The following ANXA13 variants were observed in gnomAD, a reference collection of about 807,000 sequenced individuals.
ANXA13 encodes the protein annexin XIII.
In ANXA13, 36 loss-of-function variants were observed where a neutral mutation model predicts 46.6. That is an observed-to-expected ratio of 0.77 (90% CI 0.59 to 1.02). ANXA13 has a LOEUF of 1.02. Ranked by LOEUF, ANXA13 falls within the 50% of genes least tolerant of loss-of-function variation. The pLI is 0.00. For missense variants in ANXA13, 417 were observed against 396.5 expected, an observed-to-expected ratio of 1.05 and a Z score of -0.44; for synonymous variants, 163 against 152.9, an observed-to-expected ratio of 1.07 and a Z score of -0.49.
intron 2 of ANXA13, chr8:123,712,465 C>G: frequency 1.7e-6 from 1 of 581,516 alleles, no homozygotes; most frequent in Admixed American, 3.0e-5. Context: ...CAATATCCAA[C>G]TCCTAGCTGT....
chr8:123,712,907 A>G (rs1813687383), intron 1 of ANXA13, among the ~76,000 whole-genome samples, 154 bp from the exon 2 acceptor site: 1 of 152,196 alleles, frequency 6.6e-6, no homozygotes, highest in Non-Finnish European at 1.5e-5. Context: ...TCAGCTGGGG[A>G]GACTCTGGCC....
intron 3 of ANXA13, among the ~76,000 whole-genome samples, chr8:123,700,391 G>A (rs568790340): frequency 1.3e-5 from 2 of 152,340 alleles, no homozygotes; most frequent in South Asian, 2.1e-4. Context: ...TTTTCCTGCT[G>A]ACTCTGTTAC....
chr8:123,686,670 G>T (rs1813145904), intron 9 of ANXA13, among the ~76,000 whole-genome samples: 1 of 152,068 alleles, frequency 6.6e-6, no homozygotes, highest in African/African-American at 2.4e-5. Flanking sequence ...TGGGAACCTG[G>T]AGTGGGGCCC....
chr8:123,723,237 TGAGTCCTCGGAG>T (rs1469853933), intron 1 of ANXA13, among the ~76,000 whole-genome samples: 1 of 152,246 alleles, frequency 6.6e-6, no homozygotes, highest in African/African-American at 2.4e-5. Flanking sequence ...TGCAACTTCC[TGAGTCCTCGGAG>T]GACCAAAGAA....
intron 6 of ANXA13, among the ~76,000 whole-genome samples, chr8:123,695,092 G>A (rs936517485): frequency 6.6e-6 from 1 of 152,130 alleles, no homozygotes; most frequent in Non-Finnish European, 1.5e-5. Context: ...AATCCTGGAA[G>A]TAATTGTAGA....
At chr8:123,689,057 G>A in intron 8 of ANXA13, 111 bp from the exon 9 acceptor site, 2 of 989,790 alleles carry the variant, frequency 2.0e-6, no homozygotes, top group Non-Finnish European at 3.2e-6. Context: ...TAGTCCTGTG[G>A]CTTCAGGGAA....
intron 3 of ANXA13, among the ~76,000 whole-genome samples, chr8:123,699,954 C>T (rs1023156344): frequency 3.9e-5 from 6 of 152,172 alleles, no homozygotes; most frequent in South Asian, 2.1e-4. Context: ...ATATTTTAAA[C>T]GGTCAATAAA....
At chr8:123,722,340 A>C (rs1421785084) in intron 1 of ANXA13, among the ~76,000 whole-genome samples, 1 of 115,368 alleles carries the variant, frequency 8.7e-6, no homozygotes, top group Non-Finnish European at 1.8e-5. Flanking sequence ...AAGAAAGAAA[A>C]GAAAAGAAAG....
At chr8:123,698,638 G>T in intron 3 of ANXA13, 79 bp from the exon 4 acceptor site, 1 of 1,442,040 alleles carries the variant, frequency 6.9e-7, no homozygotes, top group Non-Finnish European at 9.6e-7. Flanking sequence ...TATTGCAAGT[G>T]CTCATAGTTG....
At position 123,725,039 on chromosome 8, in the gene ANXA13, A is replaced by G. The variant is rs1813957135; in HGVS notation, c.15+12281T>C. ...GGACCATGTAAACAGGTCCTTTTTT[A>G]GTCAGAGGATAGGACCTTACCCTTC... On this transcript the variant is annotated intron_variant, in intron 1 of 10. Coordinates refer to ENST00000419625, the MANE Select transcript of ANXA13 (RefSeq NM_004306.4). Among the ~76,000 whole-genome samples the G allele has an allele frequency of 2.0e-5, 3 of 152,142 alleles. No individual in the cohort carries two copies. In the South Asian group the frequency reaches 6.2e-4, roughly 32 times the overall value.
intron 1 of ANXA13, among the ~76,000 whole-genome samples, chr8:123,720,657 C>CGTGTGTGTGTGTGTGTGTGT (rs34135339): frequency 2.1e-5 from 3 of 141,436 alleles, no homozygotes; most frequent in African/African-American, 7.9e-5. Flanking sequence ...CCTGTGTCCC[C>CGTGTGTGTGTGTGTGTGTGT]GTGTGTGTGT....
chr8:123,722,366 G>GAA (rs1563618073), intron 1 of ANXA13, among the ~76,000 whole-genome samples: 30 of 93,046 alleles, frequency 3.2e-4, no homozygotes, highest in African/African-American at 1.1e-3. Context: ...AAGAAAGAAA[G>GAA]AAAGAAAGAA....
intron 1 of ANXA13, among the ~76,000 whole-genome samples, chr8:123,722,676 G>A (rs142292320): frequency 4.9e-4 from 75 of 152,298 alleles, no homozygotes; most frequent in Middle Eastern, 3.4e-3. Flanking sequence ...ATAGAATCAT[G>A]TTTTCTGCCT....
At chr8:123,695,446 G>T in intron 6 of ANXA13, 56 bp downstream of exon 6, 2 of 1,334,840 alleles carry the variant, frequency 1.5e-6, no homozygotes, top group Non-Finnish European at 2.1e-6. Context: ...ATGGTGCCAT[G>T]TTGCCAAGGA....
chr8:123,736,847 C>T (rs895531703), intron 1 of ANXA13, among the ~76,000 whole-genome samples: 17 of 113,426 alleles, frequency 1.5e-4, no homozygotes, highest in East Asian at 5.3e-4. Context: ...ATCCCCAGTG[C>T]TTTTTTTTTT....
chr8:123,700,589 C>T (rs1275471266), intron 3 of ANXA13, among the ~76,000 whole-genome samples: 1 of 152,194 alleles, frequency 6.6e-6, no homozygotes, highest in Non-Finnish European at 1.5e-5. Context: ...AAGTTTTGTG[C>T]CAGAACATGC....
chr8:123,706,119 A>G (rs1402097136), intron 2 of ANXA13, among the ~76,000 whole-genome samples: 3 of 152,210 alleles, frequency 2.0e-5, no homozygotes, highest in African/African-American at 7.2e-5. Context: ...AGCAGGAGTG[A>G]GTTGCCTGCC....
intron 10 of ANXA13, among the ~76,000 whole-genome samples, chr8:123,684,330 C>T (rs1334634833): frequency 6.6e-6 from 1 of 152,174 alleles, no homozygotes; most frequent in Non-Finnish European, 1.5e-5. Context: ...ATAGCTGCAG[C>T]CCCTGAGAAC....
At chr8:123,704,645 C>T (rs144357557) in intron 2 of ANXA13, among the ~76,000 whole-genome samples, 355 of 152,254 alleles carry the variant, frequency 2.3e-3, no homozygotes, top group African/African-American at 8.2e-3. Flanking sequence ...GATCCACCTG[C>T]CTCAGCCTCT....
Sources: allele counts gnomAD v4.1 joint callset (sites outside exome capture counted in the v4.1 genomes callset), GRCh38; gene constraint gnomAD v4.1.1; transcripts MANE v1.5; gene names NCBI Gene and HGNC (gene_info 2026-07-23, HGNC 2026-07-21).